The following ZMAT4 variants were observed in gnomAD, a reference collection of about 807,000 sequenced individuals.
ZMAT4 encodes zinc finger matrin-type protein 4.
Under a neutral mutation model 28.7 loss-of-function variants are expected in ZMAT4, and 17 were observed. That is an observed-to-expected ratio of 0.59 (90% CI 0.41 to 0.89). ZMAT4 has a LOEUF of 0.89. Among genes scored for constraint, ZMAT4 ranks in the 40% least tolerant of loss-of-function variants. The pLI is 0.00. For missense variants in ZMAT4, 240 were observed against 283.8 expected, an observed-to-expected ratio of 0.85 and a Z score of 1.11; for synonymous variants, 117 against 109.2, an observed-to-expected ratio of 1.07 and a Z score of -0.44.
At chr8:40,805,134 C>T (rs998673520) in intron 2 of ZMAT4, among the ~76,000 whole-genome samples, 33 of 152,066 alleles carry the variant, frequency 2.2e-4, no homozygotes, top group African/African-American at 6.7e-4. Flanking sequence ...AAAAAGTGGG[C>T]GAAGGACATG....
At chr8:40,589,263 A>C (rs1804772507) in intron 5 of ZMAT4, among the ~76,000 whole-genome samples, 1 of 152,330 alleles carries the variant, frequency 6.6e-6, no homozygotes, top group Admixed American at 6.5e-5. Flanking sequence ...ATGCAGACTT[A>C]CTCAAAACCA....
chr8:40,597,889 A>G (rs757247408), intron 5 of ZMAT4, among the ~76,000 whole-genome samples: 7 of 152,248 alleles, frequency 4.6e-5, no homozygotes, highest in Non-Finnish European at 1.0e-4. Context: ...AAATTTATCA[A>G]GCTATTATTT....
At chr8:40,878,866 T>C (rs1818128741) in intron 1 of ZMAT4, among the ~76,000 whole-genome samples, 1 of 152,214 alleles carries the variant, frequency 6.6e-6, no homozygotes, top group Non-Finnish European at 1.5e-5. Flanking sequence ...AGCCCCATGT[T>C]CTATTAGCAT....
chr8:40,585,365 T>TCC (rs1044164700), intron 5 of ZMAT4, among the ~76,000 whole-genome samples: 2 of 151,966 alleles, frequency 1.3e-5, no homozygotes, highest in Non-Finnish European at 2.9e-5. Context: ...AACGTCAGAG[T>TCC]GTGGATGCAT....
intron 6 of ZMAT4, among the ~76,000 whole-genome samples, chr8:40,546,988 C>A (rs999724281): frequency 4.6e-5 from 7 of 152,202 alleles, no homozygotes; most frequent in Non-Finnish European, 8.8e-5. Flanking sequence ...ACTTTCATGG[C>A]AACAATATGG....
intron 5 of ZMAT4, among the ~76,000 whole-genome samples, chr8:40,653,592 T>G (rs538737084): frequency 6.6e-6 from 1 of 152,248 alleles, no homozygotes; most frequent in South Asian, 2.1e-4. Context: ...ATCTTACTAA[T>G]GATCTTACAG....
At chr8:40,613,100 C>T (rs929667627) in intron 5 of ZMAT4, among the ~76,000 whole-genome samples, 13 of 151,738 alleles carry the variant, frequency 8.6e-5, no homozygotes, top group Admixed American at 2.6e-4. Context: ...TGTGAGCCAC[C>T]GTGACCGGCC....
chr8:40,847,942 C>T (rs1014156707), intron 1 of ZMAT4, among the ~76,000 whole-genome samples: 3 of 152,208 alleles, frequency 2.0e-5, no homozygotes, highest in Admixed American at 6.5e-5. Context: ...TTTGAAAGCA[C>T]ACATGATGTG....
At chr8:40,635,295 G>A (rs1806750601) in intron 5 of ZMAT4, among the ~76,000 whole-genome samples, 1 of 152,108 alleles carries the variant, frequency 6.6e-6, no homozygotes, top group African/African-American at 2.4e-5. Context: ...ATACGAGTGG[G>A]TAGGATAACT....
chr8:40,564,669 G>T (rs1378271894), intron 6 of ZMAT4, among the ~76,000 whole-genome samples: 3 of 152,154 alleles, frequency 2.0e-5, no homozygotes, highest in Non-Finnish European at 4.4e-5. Flanking sequence ...CTGTTCCACT[G>T]TCTCATGGGA....
intron 1 of ZMAT4, among the ~76,000 whole-genome samples, chr8:40,896,301 CA>C (rs1352676593): frequency 6.6e-6 from 1 of 152,170 alleles, no homozygotes; most frequent in East Asian, 1.9e-4. Context: ...GAATCCCTCC[CA>C]GAACATGCAG....
chr8:40,565,504 G>A (rs1803891771), intron 6 of ZMAT4, among the ~76,000 whole-genome samples: 1 of 150,004 alleles, frequency 6.7e-6, no homozygotes, highest in Non-Finnish European at 1.5e-5. Flanking sequence ...AGGCTCATGA[G>A]TAACTGGGGT....
chr8:40,826,196 A>G (rs1816032594), intron 1 of ZMAT4, among the ~76,000 whole-genome samples: 1 of 152,262 alleles, frequency 6.6e-6, no homozygotes, highest in Non-Finnish European at 1.5e-5. Flanking sequence ...ATATCCAACA[A>G]TAGAAAGTGG....
At chr8:40,580,082 G>A (rs1337057192) in intron 6 of ZMAT4, among the ~76,000 whole-genome samples, 1 of 138,624 alleles carries the variant, frequency 7.2e-6, no homozygotes, top group Non-Finnish European at 1.5e-5. Flanking sequence ...GCCTGATCTT[G>A]GTTCACTGCA....
At chr8:40,774,020 A>G (rs751904238) in intron 2 of ZMAT4, among the ~76,000 whole-genome samples, 6 of 152,130 alleles carry the variant, frequency 3.9e-5, no homozygotes, top group Non-Finnish European at 8.8e-5. Context: ...TAACCTTGTG[A>G]TGGGAAAGTT....
At chr8:40,726,759 G>C (rs1811331674) in intron 3 of ZMAT4, among the ~76,000 whole-genome samples, 1 of 152,210 alleles carries the variant, frequency 6.6e-6, no homozygotes, top group South Asian at 2.1e-4. Context: ...TATAACAGCA[G>C]AGTTGAGGAG....
At chr8:40,618,083 T>C (rs1422881570) in intron 5 of ZMAT4, among the ~76,000 whole-genome samples, 1 of 152,230 alleles carries the variant, frequency 6.6e-6, no homozygotes, top group Non-Finnish European at 1.5e-5. Flanking sequence ...CATTGCTTTC[T>C]GTACATTAAT....
chr8:40,623,854 T>C (rs2118699888), intron 5 of ZMAT4, among the ~76,000 whole-genome samples: 1 of 152,298 alleles, frequency 6.6e-6, no homozygotes, highest in Non-Finnish European at 1.5e-5. Flanking sequence ...CAGTGCTGAA[T>C]TGCCTTATTC....
chr8:40,828,825 C>G (rs1188746008), intron 1 of ZMAT4, among the ~76,000 whole-genome samples: 2 of 151,924 alleles, frequency 1.3e-5, no homozygotes, highest in African/African-American at 4.8e-5. Context: ...CCAGAGGGTC[C>G]GATTTATCAT....
Sources: gnomAD v4.1 joint callset for allele counts (sites outside exome capture counted in the v4.1 genomes callset) on GRCh38, gnomAD v4.1.1 for gene constraint, MANE v1.5 for transcripts, NCBI Gene and HGNC (gene_info 2026-07-23, HGNC 2026-07-21) for gene names.